Variants in RYR3 observed in about 807,000 individuals in gnomAD.
RYR3 encodes the protein ryanodine receptor 3.
A neutral mutation model predicts 584.3 loss-of-function variants in RYR3; 207 were observed. The ratio of observed to expected loss-of-function variants is 0.35; its 90% CI spans 0.32 to 0.40. The LOEUF (loss-of-function observed/expected upper bound fraction) is 0.40, where lower values mean the gene tolerates loss of function less well. Among genes scored for constraint, RYR3 ranks in the 10% least tolerant of loss-of-function variants. The pLI is 1.00. For synonymous variants in RYR3, 2,416 were observed against 2,248.5 expected, an observed-to-expected ratio of 1.07 and a Z score of -2.11; for missense variants, 5,616 against 6,089.2, an observed-to-expected ratio of 0.92 and a Z score of 2.59.
chr15:33,580,467 A>G (rs1486467312), intron 13 of RYR3, among the ~76,000 whole-genome samples: 1 of 107,046 alleles, frequency 9.3e-6, no homozygotes, highest in African/African-American at 6.9e-5. Context: ...CGTTAGAATT[A>G]CCTGGGAAAC....
At chr15:33,598,536 G>A (rs537784864) in intron 16 of RYR3, among the ~76,000 whole-genome samples, 4 of 142,192 alleles carry the variant, frequency 2.8e-5, no homozygotes, top group South Asian at 2.3e-4. Context: ...AACTTTAGTC[G>A]TTTAAAAGGA....
intron 31 of RYR3, among the ~76,000 whole-genome samples, chr15:33,651,787 G>A (rs954865603): frequency 6.6e-6 from 1 of 152,184 alleles, no homozygotes; most frequent in Non-Finnish European, 1.5e-5. Context: ...ATCAGGTATA[G>A]CATCACCCTT....
chr15:33,728,921 G>A lies in RYR3; in HGVS notation c.7098G>A (p.Val2366=), dbSNP rs377347784. 6.2e-7 allele frequency: 1 copy of A among 1,613,732 alleles called. No homozygotes were observed. ...NFCPDHKAPM[V]LFLDRVYGIK... is the part of the protein sequence containing the mutation. Reference sequence around the variant, plus strand: ...GCCCTGACCACAAGGCACCTATGGTGCTGTTCTTGGACCGCGTTTATGGCA... The same window carrying A: ...GCCCTGACCACAAGGCACCTATGGTACTGTTCTTGGACCGCGTTTATGGCA... The change falls in exon 47 of 104, where the codon GTG becomes GTA. Residue 2366 remains valine, a synonymous_variant. Transcript: ENST00000634891.
chr15:33,842,142 C>T, intron 91 of RYR3, 107 bp downstream of exon 91: 2 of 1,210,376 alleles, frequency 1.7e-6, no homozygotes, highest in Non-Finnish European at 1.2e-6. Context: ...ACACTTCCTC[C>T]CCTTTCTCAT....
chr15:33,551,461 C>T (rs933381482), intron 10 of RYR3, among the ~76,000 whole-genome samples: 3 of 152,052 alleles, frequency 2.0e-5, no homozygotes, highest in African/African-American at 7.2e-5. Flanking sequence ...CAGCACTGTC[C>T]CCTTCTTTGG....
At position 33,314,845 on chromosome 15, in the gene RYR3, C is replaced by T. The variant is rs1273456376; in HGVS notation, c.51+3749C>T. Among the ~76,000 whole-genome samples, 7 of 151,946 alleles carry T rather than the reference C, an allele frequency of 4.6e-5. No individual in the cohort carries two copies. The South Asian group carries it at 1.0e-3, about 23-fold the overall frequency. ...GGGAGAACGGCGTGAGCCCGGGAGG[C>T]GGAGCCTGCAGTGAGCCGAGATTGC... On this transcript the variant is annotated intron_variant, in intron 1 of 103. Transcript: ENST00000634891.
intron 92 of RYR3, 80 bp from the exon 93 acceptor site, chr15:33,844,782 A>C (rs2078608134): frequency 7.9e-7 from 1 of 1,258,170 alleles, no homozygotes; most frequent in East Asian, 2.4e-5. Context: ...GCACATGCTA[A>C]CAATATAAAA....
intron 11 of RYR3, among the ~76,000 whole-genome samples, chr15:33,565,407 A>T (rs1191386487): frequency 6.6e-6 from 1 of 152,146 alleles, no homozygotes; most frequent in East Asian, 1.9e-4. Context: ...CAGTATATAG[A>T]TGGGATGCAA....
chr15:33,776,788 CTA>C (rs1343470682), intron 64 of RYR3, among the ~76,000 whole-genome samples: 1 of 152,150 alleles, frequency 6.6e-6, no homozygotes, highest in East Asian at 1.9e-4. Flanking sequence ...TTGTCTTTTC[CTA>C]TATCCCTAAC....
chr15:33,323,260 C>T (rs5027490), intron 1 of RYR3, among the ~76,000 whole-genome samples: 15,127 of 152,032 alleles, frequency 0.099, 943 homozygotes, highest in African/African-American at 0.18. Context: ...TACAGGCACC[C>T]GCCACCATGC....
chr15:33,859,410 T>C (rs1567349918), intron 99 of RYR3, among the ~76,000 whole-genome samples, 165 bp from the exon 100 acceptor site: 1 of 152,222 alleles, frequency 6.6e-6, no homozygotes, highest in African/African-American at 2.4e-5. Context: ...GTCCAGAGGG[T>C]GCAGTGGACA....
intron 1 of RYR3, among the ~76,000 whole-genome samples, chr15:33,342,463 A>G (rs1971937457): frequency 6.6e-6 from 1 of 152,146 alleles, no homozygotes; most frequent in Non-Finnish European, 1.5e-5. Flanking sequence ...TCCTGTATGT[A>G]CCTGTTTGAT....
intron 84 of RYR3, 60 bp from the exon 85 acceptor site, chr15:33,827,139 G>A: frequency 8.4e-7 from 1 of 1,194,106 alleles, no homozygotes; most frequent in Non-Finnish European, 1.2e-6. Flanking sequence ...AGCTGAGAGG[G>A]CATGCTTGGC....
chr15:33,794,348 A>ACATATATAACATATATATATGTT (rs369625654), intron 67 of RYR3, among the ~76,000 whole-genome samples: 50 of 58,278 alleles, frequency 8.6e-4, no homozygotes, highest in Non-Finnish European at 1.5e-3. Flanking sequence ...TATATATAAA[A>ACATATATAACATATATATATGTT]ATATATATAT....
At chr15:33,765,029 T>TCAAAAAAAAAAAAAAAAAAAAAAA (rs2072890695) in intron 60 of RYR3, among the ~76,000 whole-genome samples, 1 of 5,374 alleles carries the variant, frequency 1.9e-4, no homozygotes, top group Non-Finnish European at 4.2e-4. Context: ...AGACTTCGTC[T>TCAAAAAAAAAAAAAAAAAAAAAAA]CAAAAAAAAA....
intron 70 of RYR3, 133 bp from the exon 71 acceptor site, chr15:33,810,346 C>T (rs1158373797): frequency 2.6e-6 from 2 of 772,026 alleles, no homozygotes; most frequent in East Asian, 2.7e-5. Context: ...ACTCTTTTCA[C>T]TGTCCTTTGA....
chr15:33,693,652 T>A (rs1284560118), intron 38 of RYR3, among the ~76,000 whole-genome samples: 6 of 152,226 alleles, frequency 3.9e-5, no homozygotes, highest in African/African-American at 7.2e-5. Context: ...ATCAACAGCA[T>A]CCCACACACA....
intron 1 of RYR3, among the ~76,000 whole-genome samples, chr15:33,323,606 GA>G (rs978569799): frequency 2.0e-5 from 3 of 151,886 alleles, no homozygotes; most frequent in Non-Finnish European, 4.4e-5. Context: ...AATTAATTGA[GA>G]AAAAAAATCT....
At chr15:33,533,611 C>G (rs533496668) in intron 5 of RYR3, among the ~76,000 whole-genome samples, 19 of 152,112 alleles carry the variant, frequency 1.2e-4, no homozygotes, top group Middle Eastern at 3.2e-3. Context: ...CACAGTCAGC[C>G]AGAATCTCAA....
Sources: allele counts gnomAD v4.1 joint callset (sites outside exome capture counted in the v4.1 genomes callset), GRCh38; gene constraint gnomAD v4.1.1; transcripts MANE v1.5; gene names NCBI Gene and HGNC (gene_info 2026-07-23, HGNC 2026-07-21).